The following FDX1 variants were observed in gnomAD, a reference collection of about 807,000 sequenced individuals.
FDX1 encodes adrenodoxin, mitochondrial.
In FDX1, 9 loss-of-function variants were observed where a neutral mutation model predicts 14.9. The ratio of observed to expected loss-of-function variants is 0.60; its 90% CI spans 0.36 to 1.05. The LOEUF is 1.05. Among genes scored for constraint, FDX1 ranks in the 50% least tolerant of loss-of-function variants. The pLI, the probability that FDX1 is intolerant of heterozygous loss-of-function variation, is 0.01. For synonymous variants in FDX1, 92 were observed against 99.4 expected (o/e 0.93, Z 0.44); for missense variants, 204 against 237.2 (o/e 0.86, Z 0.92).
rs375926223 is a variant in FDX1 at position 110,450,120 on chromosome 11, G to A, written c.311-6798G>A. Among the ~76,000 whole-genome samples the A allele has an allele frequency of 2.6e-3, 391 of 152,262 alleles. 3 individuals carry two copies. The highest frequency in any genetic ancestry group is 8.1e-3 in the African/African-American group (338 of 41,560). On this transcript the variant is annotated intron_variant, in intron 2 of 3. Coordinates refer to ENST00000260270, the MANE Select transcript of FDX1 (RefSeq NM_004109.5). ...GGAAGACAAATTTTCCATGGGCAAG[G>A]TTGGGGTGGGGATGGATTTGGGATG...
At chr11:110,434,946 G>C (rs545668442) in intron 1 of FDX1, among the ~76,000 whole-genome samples, 1 of 151,774 alleles carries the variant, frequency 6.6e-6, no homozygotes, top group African/African-American at 2.4e-5. Flanking sequence ...GTAGCAATAG[G>C]GTCTCTCTGT....
In FDX1 at chr11:110,462,578, C is replaced by A; in HGVS notation, c.*110C>A. 2.0e-6 allele frequency: 1 copy of A among 490,354 alleles called. No homozygotes were observed. Among genetic ancestry groups the A allele is most frequent in the East Asian group, 3.1e-5 (1 of 32,034 alleles). 30.4% of individuals were successfully genotyped at this position (490,354 alleles called of 1,614,324 possible). On this transcript the variant is annotated 3_prime_UTR_variant, in exon 4 of 4. Coordinates refer to ENST00000260270, the MANE Select transcript of FDX1 (RefSeq NM_004109.5). ...TGAGTGGACTTCATATTATGACTAG[C>A]TTTACTATTTTAATTCACCTTGCAT...
chr11:110,435,684 C>T, intron 1 of FDX1, 150 bp from the exon 2 acceptor site: 1 of 547,224 alleles, frequency 1.8e-6, no homozygotes, highest in Non-Finnish European at 3.0e-6. Context: ...CCCGTCACTA[C>T]AAAAAATAAA....
chr11:110,444,837 G>T (rs1425921096), intron 2 of FDX1, among the ~76,000 whole-genome samples: 1 of 149,052 alleles, frequency 6.7e-6, no homozygotes, highest in Non-Finnish European at 1.5e-5. Context: ...TCCACAAGGA[G>T]TCCTACTTCT....
chr11:110,448,157 T>G (rs150605053), intron 2 of FDX1, among the ~76,000 whole-genome samples: 109 of 152,346 alleles, frequency 7.2e-4, no homozygotes, highest in African/African-American at 2.5e-3. Flanking sequence ...CCTAGTTTAC[T>G]CTCAAGACAT....
At chr11:110,439,318 C>T (rs1027009212) in intron 2 of FDX1, among the ~76,000 whole-genome samples, 2 of 152,146 alleles carry the variant, frequency 1.3e-5, no homozygotes, top group African/African-American at 4.8e-5. Flanking sequence ...AGCAATTCTC[C>T]TACCTCAGCT....
intron 2 of FDX1, among the ~76,000 whole-genome samples, chr11:110,444,708 A>ATATATATATATGTG (rs1946434625): frequency 2.1e-5 from 1 of 46,638 alleles, no homozygotes; most frequent in East Asian, 7.9e-4. Context: ...ATATATACGT[A>ATATATATATATGTG]TATATATATA....
At chr11:110,446,569 C>G (rs1218844267) in intron 2 of FDX1, among the ~76,000 whole-genome samples, 11 of 152,154 alleles carry the variant, frequency 7.2e-5, no homozygotes, top group African/African-American at 2.7e-4. Context: ...TTTTTTCCTC[C>G]TGATGAAACC....
At chr11:110,456,698 C>T (rs574098632) in intron 2 of FDX1, among the ~76,000 whole-genome samples, 1 of 151,814 alleles carries the variant, frequency 6.6e-6, no homozygotes, top group South Asian at 2.1e-4. Context: ...TTAGTAAAGA[C>T]GGGATTTCAC....
At chr11:110,444,865 C>T (rs867740750) in intron 2 of FDX1, among the ~76,000 whole-genome samples, 2 of 150,526 alleles carry the variant, frequency 1.3e-5, no homozygotes, top group African/African-American at 4.9e-5. Context: ...CTGTATGCTG[C>T]TGCTTCAATG....
intron 2 of FDX1, among the ~76,000 whole-genome samples, chr11:110,446,762 C>T (rs1591250902): frequency 6.6e-6 from 1 of 152,182 alleles, no homozygotes; most frequent in East Asian, 1.9e-4. Flanking sequence ...TCCCTACAGT[C>T]GGCACGAGGG....
intron 1 of FDX1, among the ~76,000 whole-genome samples, chr11:110,431,513 G>A (rs1330395266): frequency 6.6e-6 from 1 of 152,126 alleles, no homozygotes; most frequent in Non-Finnish European, 1.5e-5. Flanking sequence ...CATTTTTGTT[G>A]TGTGAACTTT....
intron 2 of FDX1, among the ~76,000 whole-genome samples, chr11:110,455,458 G>T (rs1302448553): frequency 2.6e-5 from 4 of 152,190 alleles, no homozygotes; most frequent in Non-Finnish European, 5.9e-5. Context: ...GTGACCAAAA[G>T]AGAATATAAA....
chr11:110,457,220 A>C (rs574056532), intron 3 of FDX1, among the ~76,000 whole-genome samples, 173 bp downstream of exon 3: 1 of 152,320 alleles, frequency 6.6e-6, no homozygotes, highest in African/African-American at 2.4e-5. Flanking sequence ...TCACTGTTCT[A>C]CAGTTTAGAC....
chr11:110,459,414 A>G (rs1021584873), intron 3 of FDX1, among the ~76,000 whole-genome samples: 2 of 152,210 alleles, frequency 1.3e-5, no homozygotes, highest in African/African-American at 4.8e-5. Context: ...TATTATTTCT[A>G]ACCTTCAGGG....
chr11:110,429,981 T>A lies in FDX1; in HGVS notation c.-140T>A, dbSNP rs1946317542. Reference sequence around the variant, plus strand: ...CCTCGGCGCGGTGCTTCCAGCAGGGTCTCTCCGCCACTCCAGCCCCGCGCC... The same window carrying A: ...CCTCGGCGCGGTGCTTCCAGCAGGGACTCTCCGCCACTCCAGCCCCGCGCC... On this transcript the variant is annotated 5_prime_UTR_variant, in exon 1 of 4. Transcript: ENST00000260270. 1.0e-5 allele frequency: 5 copies of A among 477,394 alleles called. No individual in the cohort carries two copies. The East Asian group carries it at 2.1e-4, about 20-fold the overall frequency. The allele number at this position is 477,394 out of a possible 1,614,324, so 29.6% of individuals were successfully genotyped here.
chr11:110,436,388 G>T (rs1946369194), intron 2 of FDX1, among the ~76,000 whole-genome samples: 2 of 152,140 alleles, frequency 1.3e-5, no homozygotes, highest in South Asian at 4.2e-4. Flanking sequence ...CTGACCATAT[G>T]CCTTAACTAC....
At chr11:110,436,238 G>A (rs1057506584) in intron 2 of FDX1, among the ~76,000 whole-genome samples, 2 of 152,174 alleles carry the variant, frequency 1.3e-5, no homozygotes, top group Admixed American at 1.3e-4. Context: ...AGGGAGTAGA[G>A]TTAAAAGATA....
intron 2 of FDX1, among the ~76,000 whole-genome samples, chr11:110,456,311 A>G (rs1946521155): frequency 6.6e-6 from 1 of 152,136 alleles, no homozygotes; most frequent in African/African-American, 2.4e-5. Flanking sequence ...TGCATGTCTC[A>G]GCTTATTAAC....
Sources: allele counts gnomAD v4.1 joint callset (sites outside exome capture counted in the v4.1 genomes callset), GRCh38; gene constraint gnomAD v4.1.1; transcripts MANE v1.5; gene names NCBI Gene and HGNC (gene_info 2026-07-23, HGNC 2026-07-21).